The following DRC8 variants were observed in gnomAD, a reference collection of about 807,000 sequenced individuals.
The protein encoded by DRC8 is dynein regulatory complex subunit 8.
chr1:245,062,890 A>G, the DRC8 span, among the ~76,000 whole-genome samples: 1 of 152,212 alleles, frequency 6.6e-6, no homozygotes. Flanking sequence ...GTGCTCAAAC[A>G]ACTCTGCTTG....
chr1:244,971,958 C>CAAAAAAAA, the DRC8 span, among the ~76,000 whole-genome samples: 5 of 107,244 alleles, frequency 4.7e-5, 1 homozygote, highest in Non-Finnish European at 9.0e-5. Flanking sequence ...TGTTCTTTAC[C>CAAAAAAAA]AAAAAAAAAA....
At chr1:245,079,357 G>A in the DRC8 span, among the ~76,000 whole-genome samples, 2 of 152,184 alleles carry the variant, frequency 1.3e-5, no homozygotes, top group East Asian at 3.9e-4. Context: ...CAATAACAAA[G>A]AACACTTATG....
chr1:245,099,935 C>G, the DRC8 span, among the ~76,000 whole-genome samples: 7 of 152,266 alleles, frequency 4.6e-5, no homozygotes, highest in East Asian at 1.4e-3. Flanking sequence ...CCAATCCTGT[C>G]CCCATCTCCA....
At chr1:245,072,654 A>G in the DRC8 span, among the ~76,000 whole-genome samples, 1 of 152,226 alleles carries the variant, frequency 6.6e-6, no homozygotes, top group Non-Finnish European at 1.5e-5. Context: ...TATAGTTTGA[A>G]TATTTGTCCC....
At chr1:244,999,058 C>CAAAAAAAAAAAAAAAAAAAAAAA in the DRC8 span, among the ~76,000 whole-genome samples, 1 of 83,684 alleles carries the variant, frequency 1.2e-5, no homozygotes, top group Admixed American at 1.6e-4. Context: ...GATCCTGGGT[C>CAAAAAAAAAAAAAAAAAAAAAAA]AAAAAAAAAA....
At chr1:245,070,020 G>A in the DRC8 span, among the ~76,000 whole-genome samples, 71 of 152,268 alleles carry the variant, frequency 4.7e-4, no homozygotes, top group East Asian at 0.013. Context: ...ACTCCAGCCT[G>A]GGCAACAGAG....
At chr1:245,091,947 C>T in the DRC8 span, 3 of 152,296 alleles carry the variant, frequency 2.0e-5, no homozygotes, top group Admixed American at 2.0e-4. Flanking sequence ...ACCCTCATGA[C>T]TCCTGGCTTC....
the DRC8 span, among the ~76,000 whole-genome samples, chr1:245,026,637 A>G: frequency 1.3e-5 from 2 of 152,228 alleles, no homozygotes; most frequent in Non-Finnish European, 2.9e-5. Flanking sequence ...ACACCCCTCA[A>G]TAAGAAATGA....
the DRC8 span, among the ~76,000 whole-genome samples, chr1:244,976,989 G>A: frequency 1.7e-3 from 264 of 152,336 alleles, 2 homozygotes; most frequent in African/African-American, 6.1e-3. Flanking sequence ...ACATGCTACC[G>A]CTTGAATGAA....
the DRC8 span, chr1:244,970,046 G>A: frequency 1.6e-6 from 1 of 623,992 alleles, no homozygotes; most frequent in Non-Finnish European, 2.9e-6. Flanking sequence ...GGCGAGGGGT[G>A]TGTGCGCGCG....
chr1:245,027,643 T>C, the DRC8 span, among the ~76,000 whole-genome samples: 1 of 152,190 alleles, frequency 6.6e-6, no homozygotes, highest in Non-Finnish European at 1.5e-5. Context: ...ATAAGGACAT[T>C]AGCACTTCCA....
At chr1:245,059,877 C>T in the DRC8 span, among the ~76,000 whole-genome samples, 12 of 152,096 alleles carry the variant, frequency 7.9e-5, no homozygotes, top group Non-Finnish European at 1.6e-4. Context: ...TTTACATTGA[C>T]CAGAGAGTCT....
chr1:244,973,077 G>C, the DRC8 span, among the ~76,000 whole-genome samples: 1 of 152,112 alleles, frequency 6.6e-6, no homozygotes, highest in African/African-American at 2.4e-5. Flanking sequence ...CAATTAATCA[G>C]AATTGATTAA....
chr1:245,002,208 A>G, the DRC8 span: 7 of 1,609,618 alleles, frequency 4.3e-6, no homozygotes, highest in Admixed American at 8.4e-5. Flanking sequence ...CCATCACACA[A>G]TGACGGTGTT....
the DRC8 span, among the ~76,000 whole-genome samples, chr1:245,074,053 C>T: frequency 1.3e-5 from 2 of 152,146 alleles, no homozygotes; most frequent in Non-Finnish European, 2.9e-5. Context: ...AAATTAACGT[C>T]GTTACATACA....
At chr1:245,092,433 C>T in the DRC8 span, among the ~76,000 whole-genome samples, 1 of 152,150 alleles carries the variant, frequency 6.6e-6, no homozygotes, top group African/African-American at 2.4e-5. Context: ...CAGACAGTTC[C>T]TTGAAGATCA....
At chr1:245,052,167 G>A in the DRC8 span, among the ~76,000 whole-genome samples, 1 of 152,214 alleles carries the variant, frequency 6.6e-6, no homozygotes, top group African/African-American at 2.4e-5. Context: ...GTCAACAGAC[G>A]ACTGAGCGGA....
chr1:245,031,410 C>T, the DRC8 span, among the ~76,000 whole-genome samples: 1 of 151,856 alleles, frequency 6.6e-6, no homozygotes, highest in African/African-American at 2.4e-5. Context: ...ATGGGTGCTA[C>T]TTCTAGGCCC....
chr1:245,040,384 C>G, the DRC8 span, among the ~76,000 whole-genome samples: 3 of 152,148 alleles, frequency 2.0e-5, no homozygotes, highest in Non-Finnish European at 4.4e-5. Flanking sequence ...TTGAATCACA[C>G]TCGCCATCAA....
Sources: allele counts gnomAD v4.1 joint callset (sites outside exome capture counted in the v4.1 genomes callset), GRCh38; gene constraint gnomAD v4.1.1; transcripts MANE v1.5; gene names NCBI Gene and HGNC (gene_info 2026-07-23, HGNC 2026-07-21).